SNED1: variants seen among roughly 807,000 people sequenced by gnomAD.
The protein encoded by SNED1 is sushi, nidogen and EGF like domains 1.
SNED1 carries 81 observed loss-of-function variants against 166.7 expected under a neutral mutation model. The observed-to-expected ratio is 0.49, with a 90% CI of 0.41 to 0.58. The LOEUF is 0.58. SNED1 is among the 20% of genes least tolerant of loss of function. The pLI, the probability that SNED1 is intolerant of heterozygous loss-of-function variation, is 0.00. For synonymous variants in SNED1, 762 were observed against 822.0 expected, an observed-to-expected ratio of 0.93 and a Z score of 1.25; for missense variants, 1,604 against 2,000.2, an observed-to-expected ratio of 0.80 and a Z score of 3.78.
chr2:241,012,613 T>C (rs2060445887), intron 1 of SNED1, among the ~76,000 whole-genome samples: 1 of 152,234 alleles, frequency 6.6e-6, no homozygotes, highest in Admixed American at 6.5e-5. Context: ...GTTGTTTTAA[T>C]TGAATTTTTC....
intron 1 of SNED1, among the ~76,000 whole-genome samples, chr2:241,027,068 A>G (rs577038637): frequency 1.0e-3 from 154 of 149,934 alleles, no homozygotes; most frequent in African/African-American, 3.7e-3. Flanking sequence ...GTTGTAACCT[A>G]TGACAGATTT....
chr2:241,012,385 C>T (rs970335785), intron 1 of SNED1, among the ~76,000 whole-genome samples: 21 of 152,238 alleles, frequency 1.4e-4, no homozygotes, highest in African/African-American at 4.1e-4. Context: ...CGAGAGCAGA[C>T]GCTGCCACCG....
intron 1 of SNED1, among the ~76,000 whole-genome samples, chr2:241,024,102 G>A (rs1206860762): frequency 6.6e-6 from 1 of 150,772 alleles, no homozygotes; most frequent in Non-Finnish European, 1.5e-5. Flanking sequence ...GCCATGGCTG[G>A]TCTCAAACTC....
upstream of SNED1, among the ~76,000 whole-genome samples, chr2:240,997,883 C>T (rs1224024325): frequency 6.6e-6 from 1 of 151,916 alleles, no homozygotes; most frequent in Non-Finnish European, 1.5e-5. Context: ...GCAGCCCAGG[C>T]CAGCAGCCCA....
At chr2:241,007,112 A>C (rs2060241677) in intron 1 of SNED1, among the ~76,000 whole-genome samples, 1 of 152,264 alleles carries the variant, frequency 6.6e-6, no homozygotes, top group African/African-American at 2.4e-5. Context: ...ATAGCTTTGC[A>C]TCAGTGTTAA....
chr2:241,061,838 C>T (rs1222785087), intron 16 of SNED1, among the ~76,000 whole-genome samples: 9 of 146,640 alleles, frequency 6.1e-5, no homozygotes, highest in East Asian at 3.9e-4. Flanking sequence ...GGGCAACGAG[C>T]GAAACTCCAT....
In SNED1 at chr2:241,024,326, A is replaced by G. The variant is rs1161393374; in HGVS notation, c.214-5958A>G. The stretch of plus-strand genomic sequence containing the variant: ...AGTGGTGCTATCTTGGCTCACTGCA[A>G]CCTCCACCTCCCAGGTTCAAGCAAT... On this transcript the variant is annotated intron_variant, in intron 1 of 31. Transcript: ENST00000310397. Among the ~76,000 whole-genome samples the G allele has an allele frequency of 1.3e-4, 16 of 119,564 alleles. No homozygotes were observed. The Admixed American group carries it at 1.6e-3, about 12-fold the overall frequency. 78.4% of individuals were successfully genotyped at this position (119,564 alleles called of 152,430 possible).
intron 16 of SNED1, among the ~76,000 whole-genome samples, chr2:241,054,985 C>T (rs1330780260): frequency 6.6e-6 from 1 of 152,068 alleles, no homozygotes; most frequent in Non-Finnish European, 1.5e-5. Flanking sequence ...GGTGTGGTGG[C>T]ACATGCCTGT....
intron 14 of SNED1, 86 bp downstream of exon 14, chr2:241,052,243 C>G: frequency 6.8e-7 from 1 of 1,461,334 alleles, no homozygotes; most frequent in Non-Finnish European, 9.6e-7. Flanking sequence ...CAGGGCTGGT[C>G]CAGGCCCTGG....
intron 31 of SNED1, chr2:241,089,214 C>T: frequency 7.6e-7 from 1 of 1,323,056 alleles, no homozygotes; most frequent in Non-Finnish European, 1.0e-6. Flanking sequence ...CATGTCACTG[C>T]ATGAAAGATG....
At chr2:241,065,673 C>A in intron 21 of SNED1, 78 bp downstream of exon 21, 3 of 1,290,694 alleles carry the variant, frequency 2.3e-6, no homozygotes, top group South Asian at 1.4e-5. Context: ...ACCTGCAGGG[C>A]GGCTGTCATG....
rs2061842903 is a variant in SNED1, at chr2:241,051,611, C to T, written c.1736-133C>T. On this transcript the variant is annotated intron_variant, in intron 12 of 31. Transcript: ENST00000310397. This position sits in a 1 kb window ranked among gnomAD's most constrained non-coding sequence, Gnocchi z 4.7. ...GTGCGGACCTGCTTGGCCCCTGCTG[C>T]AGCCAGGCCCCAGGGCTTCGTCGAG... 4.4e-6 allele frequency: 3 copies of T among 682,876 alleles called. No homozygotes were observed. Among genetic ancestry groups the T allele is most frequent in the Non-Finnish European group, 4.7e-6 (2 of 429,720 alleles). 42.3% of individuals were successfully genotyped at this position (682,876 alleles called of 1,614,324 possible). A position where few individuals can be genotyped will look rare whatever the true frequency, so the allele number is the denominator to read the frequency against.
Position 241,048,733 on chromosome 2 carries a change from C to A in SNED1, c.1471C>A (p.Pro491Thr). 1 of 1,612,696 alleles carries A rather than the reference C, an allele frequency of 6.2e-7. No homozygotes were observed. Among genetic ancestry groups the A allele is most frequent in the Non-Finnish European group, 8.5e-7 (1 of 1,179,524 alleles). The change falls in exon 10 of 32, where the codon CCC becomes ACC. Residue 491 changes from proline to threonine, a missense_variant. Coordinates refer to ENST00000310397, the MANE Select transcript of SNED1 (RefSeq NM_001080437.3). ...LGANTTLCQC[P>T]LGFFGLLCEF... ...CGCCAACACCACCCTCTGCCAGTGC[C>A]CCCTGGGATTCTTTGGGCTTCTCTG...
chr2:241,020,849 C>G (rs552968998), intron 1 of SNED1, among the ~76,000 whole-genome samples: 57 of 152,294 alleles, frequency 3.7e-4, no homozygotes, highest in African/African-American at 1.3e-3. Flanking sequence ...GACAAAGAAG[C>G]AGGAAGAGGC....
In SNED1 at chr2:241,073,291, G is replaced by C; in HGVS notation, c.3843G>C (p.Glu1281Asp). The part of the protein sequence containing the change: ...RSQPTASAQL[E>D]NMEEAPKRVS... ...AACCCACAGCCTCGGCGCAGCTCGA[G>C]AACATGGAGGAAGCCCCCAAGCGGG... The change falls in exon 27 of 32, where the codon GAG (glutamate) becomes GAC (aspartate). Residue 1281 changes from glutamate (E) to aspartate (D), a missense_variant. By Grantham distance (45) the Glu-to-Asp change is conservative. This residue lies in a region of SNED1 where 367 missense variants were observed against 379.4 expected (regional missense o/e 0.97). Coordinates refer to ENST00000310397, the MANE Select transcript of SNED1 (RefSeq NM_001080437.3). The surrounding 1 kb of genome is among the most constrained non-coding windows in gnomAD (Gnocchi z 6.6). 1 of 1,565,862 alleles carries C rather than the reference G, an allele frequency of 6.4e-7. No homozygotes were observed. Among genetic ancestry groups the C allele is most frequent in the Non-Finnish European group, 8.6e-7 (1 of 1,156,576 alleles).
At chr2:241,012,825 C>CTTTTTTTT (rs59199140) in intron 1 of SNED1, among the ~76,000 whole-genome samples, 3 of 134,880 alleles carry the variant, frequency 2.2e-5, no homozygotes, top group Non-Finnish European at 3.2e-5. Flanking sequence ...TTTTTTTTTT[C>CTTTTTTTT]TTTTTTTTTT....
In SNED1 at chr2:241,071,698, GA is replaced by G; in HGVS notation, c.3713del (p.Glu1238GlyfsTer19). 2 of 970,068 alleles carry G rather than the reference GA, an allele frequency of 2.1e-6. No individual in the cohort carries two copies. The highest frequency in any genetic ancestry group is 2.9e-6 in the Non-Finnish European group (2 of 691,892). 60.1% of individuals were successfully genotyped at this position (970,068 alleles called of 1,614,324 possible). ...LRLLNDHSAPETPTQPPRFSE... is the reference protein window; with the variant it reads ...LRLLNDHSAPXTPTQPPRFSE... Reference sequence around the variant, plus strand: ...CCTGCTCAATGACCACAGCGCCCCCGAGACCCCCACCCAGCCCCCCAGGTAC... The same window carrying G: ...CCTGCTCAATGACCACAGCGCCCCCGGACCCCCACCCAGCCCCCCAGGTAC... On this transcript the variant is annotated frameshift_variant, in exon 25 of 32. Coordinates refer to ENST00000310397, the MANE Select transcript of SNED1 (RefSeq NM_001080437.3). LOFTEE classifies it high-confidence loss of function.
intron 28 of SNED1, 49 bp downstream of exon 28, chr2:241,081,842 C>T (rs1452867032): frequency 3.6e-6 from 5 of 1,394,930 alleles, no homozygotes; most frequent in Admixed American, 2.0e-5. Context: ...CAGCCTGTGC[C>T]TCAGCCTAGG....
chr2:241,053,403 G>A (rs2061942854), intron 16 of SNED1, 77 bp downstream of exon 16: 1 of 1,434,110 alleles, frequency 7.0e-7, no homozygotes, highest in Non-Finnish European at 9.3e-7. Context: ...GGAGCACAGG[G>A]GCTGCAGGCC....
Sources: gnomAD v4.1 joint callset for allele counts (sites outside exome capture counted in the v4.1 genomes callset) on GRCh38, gnomAD v4.1.1 for gene constraint, gnomAD v4.1.1 regional missense constraint, Gnocchi (gnomAD v3.1) non-coding constraint, MANE v1.5 for transcripts, NCBI Gene and HGNC (gene_info 2026-07-23, HGNC 2026-07-21) for gene names.